The following NFIB variants were observed in gnomAD, a reference collection of about 807,000 sequenced individuals.
NFIB encodes the protein nuclear factor 1 B-type.
Under a neutral mutation model 61.5 loss-of-function variants are expected in NFIB, and 11 were observed. That is an observed-to-expected ratio of 0.18 (90% CI 0.11 to 0.30). NFIB has a LOEUF of 0.30. Among genes scored for constraint, NFIB ranks in the 10% least tolerant of loss-of-function variants. NFIB has a pLI of 1.00. For missense variants in NFIB, 471 were observed against 608.9 expected (o/e 0.77, Z 2.38); for synonymous variants, 260 against 216.5 (o/e 1.20, Z -1.76).
At chr9:14,478,898 C>T in the NFIB span, among the ~76,000 whole-genome samples, 1 of 152,176 alleles carries the variant, frequency 6.6e-6, no homozygotes, top group South Asian at 2.1e-4. Context: ...TCAAATTGCT[C>T]ACAAAATAGC....
At chr9:14,422,801 C>T in the NFIB span, among the ~76,000 whole-genome samples, 4 of 152,070 alleles carry the variant, frequency 2.6e-5, no homozygotes, top group African/African-American at 2.4e-5. Flanking sequence ...CCAGCCCTGC[C>T]AGCCATAGAT....
intron 2 of NFIB, chr9:14,204,280 G>C: frequency 1.5e-6 from 1 of 665,774 alleles, no homozygotes; most frequent in Non-Finnish European, 2.7e-6. Context: ...AGGGGAAGAA[G>C]GTGGCTCCGG....
At chr9:14,274,325 G>A (rs2057850760) in intron 2 of NFIB, among the ~76,000 whole-genome samples, 1 of 145,054 alleles carries the variant, frequency 6.9e-6, no homozygotes, top group African/African-American at 2.6e-5. Flanking sequence ...ACAGTCTTCC[G>A]TAATGTTTTT....
chr9:14,265,565 T>A (rs942567636), intron 2 of NFIB, among the ~76,000 whole-genome samples: 1 of 152,164 alleles, frequency 6.6e-6, no homozygotes, highest in African/African-American at 2.4e-5. Context: ...CAGCCTCCAG[T>A]GAGGAAATAA....
At chr9:14,505,136 T>C in the NFIB span, among the ~76,000 whole-genome samples, 1 of 152,232 alleles carries the variant, frequency 6.6e-6, no homozygotes, top group African/African-American at 2.4e-5. Flanking sequence ...ATCATGTTTA[T>C]TGACTCGTGG....
chr9:14,154,769 C>T (rs922782817), intron 4 of NFIB, among the ~76,000 whole-genome samples: 35 of 152,170 alleles, frequency 2.3e-4, no homozygotes, highest in African/African-American at 8.4e-4. Context: ...ATGCTATTTG[C>T]ACTGTTCACT....
chr9:14,522,693 T>A, the NFIB span, among the ~76,000 whole-genome samples: 1 of 152,224 alleles, frequency 6.6e-6, no homozygotes, highest in East Asian at 1.9e-4. Context: ...TGATGTTACT[T>A]TGAGTCTCAT....
rs2060064020 is a variant in NFIB at position 14,307,221 on chromosome 9, G to A, written c.330C>T (p.Asp110=). Residue 110 remains aspartate, a synonymous_variant, in exon 2 of 11, where the codon GAC becomes GAT. Transcript: ENST00000380953. The surrounding 1 kb of genome is among the most constrained non-coding windows in gnomAD (Gnocchi z 5.3). ...CGATTCTCCTAATCTTACCCTTCTG[G>A]TCGGGATTGGATAAGACACAGCACG... ...KHPCCVLSNP[D]QKGKIRRIDC... 1.2e-6 allele frequency: 2 copies of A among 1,613,842 alleles called. No individual in the cohort carries two copies. Among genetic ancestry groups the A allele is most frequent in the South Asian group, 2.2e-5 (2 of 91,078 alleles).
At chr9:14,480,651 C>T in the NFIB span, among the ~76,000 whole-genome samples, 35 of 152,076 alleles carry the variant, frequency 2.3e-4, no homozygotes, top group Admixed American at 6.5e-5. Flanking sequence ...TCAATGTAGC[C>T]GTTGAAACAA....
chr9:14,430,116 G>C, the NFIB span, among the ~76,000 whole-genome samples: 1 of 152,208 alleles, frequency 6.6e-6, no homozygotes, highest in Non-Finnish European at 1.5e-5. Flanking sequence ...CCACTATACT[G>C]GAGGGAGCAA....
intron 9 of NFIB, 46 bp from the exon 10 acceptor site, chr9:14,113,127 A>G: frequency 6.6e-7 from 1 of 1,519,260 alleles, no homozygotes; most frequent in Non-Finnish European, 8.9e-7. Context: ...GTGAACTATC[A>G]GAACGAACAC....
chr9:14,318,380 A>G (rs1320317419), upstream of NFIB, among the ~76,000 whole-genome samples: 1 of 152,132 alleles, frequency 6.6e-6, no homozygotes, highest in Non-Finnish European at 1.5e-5. Flanking sequence ...CAAGTATCTA[A>G]TATTGTTTTT....
chr9:14,464,865 G>C, the NFIB span, among the ~76,000 whole-genome samples: 112,691 of 152,032 alleles, frequency 0.74, 41,976 homozygotes, highest in East Asian at 0.87. Context: ...GTGAAAGATG[G>C]AGTTGTATTT....
chr9:14,113,273 T>C (rs1221153271), intron 9 of NFIB, among the ~76,000 whole-genome samples, 192 bp from the exon 10 acceptor site: 1 of 152,164 alleles, frequency 6.6e-6, no homozygotes. Context: ...AATCAACTAG[T>C]TTATTCCCCC....
intron 6 of NFIB, among the ~76,000 whole-genome samples, chr9:14,141,583 A>G (rs1340542286): frequency 2.0e-5 from 3 of 152,140 alleles, no homozygotes; most frequent in Admixed American, 6.5e-5. Context: ...CAAGGGCTGG[A>G]AACTTAATTT....
At chr9:14,113,337 C>G (rs1404076370) in intron 9 of NFIB, among the ~76,000 whole-genome samples, 1 of 152,188 alleles carries the variant, frequency 6.6e-6, no homozygotes, top group African/African-American at 2.4e-5. Context: ...GTGTCTCACA[C>G]TTACATGCTC....
intron 3 of NFIB, among the ~76,000 whole-genome samples, chr9:14,167,530 C>G (rs1236394583): frequency 6.6e-6 from 1 of 152,104 alleles, no homozygotes; most frequent in Non-Finnish European, 1.5e-5. Context: ...GAGATGCTGT[C>G]TCAACAAAAC....
chr9:14,363,662 A>T (rs2022304), intron 1 of NFIB, among the ~76,000 whole-genome samples: 15,174 of 150,660 alleles, frequency 0.1, 1,086 homozygotes, highest in African/African-American at 0.2. Context: ...TACACACATA[A>T]ACATCTTTAA....
At position 14,200,777 on chromosome 9, in the gene NFIB, C is replaced by A. The variant is rs146308824; in HGVS notation, c.563-20997G>T. 7.9e-4 allele frequency among the ~76,000 whole-genome samples: 120 copies of A among 152,192 alleles called. 1 individual carries two copies. The highest frequency in any genetic ancestry group is 2.7e-3 in the African/African-American group (111 of 41,526). On this transcript the variant is annotated intron_variant, in intron 2 of 10. Coordinates refer to ENST00000380953, the MANE Select transcript of NFIB (RefSeq NM_001190737.2). Reference sequence around the variant, plus strand: ...GCCATCTTCTTGTCTTTGTACATTCCCCCTCAGCAAACTCAGCTAGGTCCA... The same window carrying A: ...GCCATCTTCTTGTCTTTGTACATTCACCCTCAGCAAACTCAGCTAGGTCCA...
Sources: gnomAD v4.1 joint callset for allele counts (sites outside exome capture counted in the v4.1 genomes callset) on GRCh38, gnomAD v4.1.1 for gene constraint, Gnocchi (gnomAD v3.1) non-coding constraint, MANE v1.5 for transcripts, NCBI Gene and HGNC (gene_info 2026-07-23, HGNC 2026-07-21) for gene names.